NRXN3: variants seen among roughly 807,000 people sequenced by gnomAD.
The protein encoded by NRXN3 is neurexin 3, also known as neurexin III.
A neutral mutation model predicts 137.6 loss-of-function variants in NRXN3; 32 were observed. That is an observed-to-expected ratio of 0.23 (90% confidence interval 0.18 to 0.31). The LOEUF (loss-of-function observed/expected upper bound fraction) is 0.31, where lower values mean the gene tolerates loss of function less well. Ranked by LOEUF, NRXN3 falls within the 10% of genes least tolerant of loss-of-function variation. The probability of loss-of-function intolerance (pLI) is 1.00; values close to 1 mark genes in which losing one functional copy is unlikely to be tolerated. For synonymous variants in NRXN3, 798 were observed against 784.5 expected, an observed-to-expected ratio of 1.02 and a Z score of -0.29; for missense variants, 1,574 against 2,062.5, an observed-to-expected ratio of 0.76 and a Z score of 4.59.
At chr14:79,695,117 T>C (rs1056942597) in intron 18 of NRXN3, among the ~76,000 whole-genome samples, 1 of 151,886 alleles carries the variant, frequency 6.6e-6, no homozygotes, top group African/African-American at 2.4e-5. Context: ...CTTGGGTCAG[T>C]CTTGAACAGG....
At chr14:79,301,260 A>G (rs530236767) in intron 15 of NRXN3, among the ~76,000 whole-genome samples, 41 of 152,186 alleles carry the variant, frequency 2.7e-4, no homozygotes, top group African/African-American at 9.1e-4. Context: ...GCTGTGATTG[A>G]CTGTGGCTGA....
At chr14:79,698,220 T>C (rs2098742262) in intron 19 of NRXN3, among the ~76,000 whole-genome samples, 1 of 152,012 alleles carries the variant, frequency 6.6e-6, no homozygotes, top group South Asian at 2.1e-4. Flanking sequence ...CAGTATGAAA[T>C]ACTCTCTCCT....
intron 1 of NRXN3, among the ~76,000 whole-genome samples, chr14:78,191,602 A>G (rs551588560): frequency 4.7e-4 from 71 of 152,330 alleles, no homozygotes; most frequent in Non-Finnish European, 7.4e-4. Flanking sequence ...CTGTGTGGCC[A>G]GATAGACTGG....
In NRXN3 at chr14:79,679,552, T is replaced by C. The variant is rs541033042; in HGVS notation, c.3617-12621T>C. Among the ~76,000 whole-genome samples the C allele has an allele frequency of 2.6e-5, 4 of 152,294 alleles. No individual in the cohort carries two copies. In the South Asian group the frequency reaches 8.3e-4, roughly 32 times the overall value. Reference sequence around the variant, plus strand: ...CATCTTTTGAGGTGGCCAATAGTTGTCAACTTTTTGAGTATCCTTGAGCAC... The same window carrying C: ...CATCTTTTGAGGTGGCCAATAGTTGCCAACTTTTTGAGTATCCTTGAGCAC... On this transcript the variant is annotated intron_variant, in intron 17 of 20. Transcript: ENST00000335750.
At chr14:78,635,746 A>C (rs1191214069) in intron 4 of NRXN3, among the ~76,000 whole-genome samples, 1 of 152,118 alleles carries the variant, frequency 6.6e-6, no homozygotes, top group Non-Finnish European at 1.5e-5. Flanking sequence ...AGGATATGTA[A>C]GTTTGTGAGT....
At chr14:78,404,464 A>G (rs998158762) in intron 4 of NRXN3, among the ~76,000 whole-genome samples, 5 of 152,064 alleles carry the variant, frequency 3.3e-5, no homozygotes, top group African/African-American at 9.7e-5. Context: ...CAGCCTCCCA[A>G]TTTCTGGAGG....
chr14:79,207,786 G>A (rs2067009179), intron 15 of NRXN3, among the ~76,000 whole-genome samples: 3 of 152,224 alleles, frequency 2.0e-5, no homozygotes, highest in Admixed American at 2.0e-4. Flanking sequence ...TTGATACAGA[G>A]GATCCCTATG....
Position 78,660,820 on chromosome 14 carries a change from T to A in NRXN3, c.1221+9494T>A, listed in dbSNP as rs377371458. Among the ~76,000 whole-genome samples, 16 of 152,296 alleles carry A rather than the reference T, an allele frequency of 1.1e-4. No homozygotes were observed. The East Asian group carries it at 2.5e-3, about 24-fold the overall frequency. On this transcript the variant is annotated intron_variant, in intron 6 of 20. Transcript: ENST00000335750. The stretch of plus-strand genomic sequence containing the variant: ...ATCATTTGCAGCAGGAAGCCCTAGG[T>A]GATGTAGCAGAATTCCTCATGTTCC...
chr14:79,803,370 A>T (rs1279532114), intron 19 of NRXN3, among the ~76,000 whole-genome samples: 1 of 152,132 alleles, frequency 6.6e-6, no homozygotes, highest in South Asian at 2.1e-4. Flanking sequence ...TTTCCTCGAA[A>T]TTCTGGAGGC....
chr14:78,414,263 T>C (rs910634986), intron 4 of NRXN3, among the ~76,000 whole-genome samples: 1 of 151,160 alleles, frequency 6.6e-6, no homozygotes, highest in African/African-American at 2.4e-5. Context: ...GTGTGTAAGG[T>C]GTAAGTGTAG....
chr14:79,244,059 C>T (rs2074777151), intron 15 of NRXN3, among the ~76,000 whole-genome samples: 1 of 152,082 alleles, frequency 6.6e-6, no homozygotes, highest in African/African-American at 2.4e-5. Context: ...TATCCTGGCT[C>T]TATCGTTTGA....
At chr14:78,902,743 C>A (rs2099200985) in intron 10 of NRXN3, among the ~76,000 whole-genome samples, 4 of 151,868 alleles carry the variant, frequency 2.6e-5, no homozygotes, top group African/African-American at 9.7e-5. Context: ...CCAGAGCCAA[C>A]CCTACAGCTG....
intron 15 of NRXN3, among the ~76,000 whole-genome samples, chr14:79,409,327 GTA>G (rs536290139): frequency 6.0e-5 from 9 of 150,886 alleles, no homozygotes; most frequent in Admixed American, 2.0e-4. Context: ...GTGTATATGT[GTA>G]TATATATATG....
At position 79,787,594 on chromosome 14, in the gene NRXN3, T is replaced by C. The variant is rs2099133079; in HGVS notation, c.4015-17518T>C. 2.6e-5 allele frequency among the ~76,000 whole-genome samples: 4 copies of C among 152,174 alleles called. No individual in the cohort carries two copies. The South Asian group carries it at 8.3e-4, about 32-fold the overall frequency. ...CTCTGATAACCACCACTCTACTCTC[T>C]ATTTCTGTGAGTTTGACTTTTTAGA... On this transcript the variant is annotated intron_variant, in intron 19 of 20. Transcript: ENST00000335750.
At chr14:78,575,871 A>T (rs1338973708) in intron 4 of NRXN3, among the ~76,000 whole-genome samples, 1 of 152,174 alleles carries the variant, frequency 6.6e-6, no homozygotes, top group Non-Finnish European at 1.5e-5. Flanking sequence ...AGAGGCCTCA[A>T]ATTCTCCTAC....
At chr14:79,719,533 CCCCATATG>C (rs2098836818) in intron 19 of NRXN3, among the ~76,000 whole-genome samples, 1 of 151,924 alleles carries the variant, frequency 6.6e-6, no homozygotes, top group Non-Finnish European at 1.5e-5. Flanking sequence ...TCTTTCACTT[CCCCATATG>C]CTCAAATATC....
intron 1 of NRXN3, among the ~76,000 whole-genome samples, chr14:78,182,263 G>C (rs1416196845): frequency 1.3e-5 from 2 of 151,996 alleles, no homozygotes; most frequent in Admixed American, 1.3e-4. Flanking sequence ...TTACGGAAGA[G>C]GGAACTGATA....
intron 15 of NRXN3, among the ~76,000 whole-genome samples, chr14:79,352,757 A>G (rs1195172339): frequency 6.6e-6 from 1 of 152,116 alleles, no homozygotes; most frequent in East Asian, 1.9e-4. Context: ...TGTAAAAACA[A>G]TCCTTTGAAG....
At chr14:78,399,042 C>G (rs923023717) in intron 4 of NRXN3, among the ~76,000 whole-genome samples, 2 of 152,156 alleles carry the variant, frequency 1.3e-5, no homozygotes, top group African/African-American at 4.8e-5. Flanking sequence ...TTTTTGTCTT[C>G]CTGGTTCTTT....
Sources: allele counts gnomAD v4.1 joint callset (sites outside exome capture counted in the v4.1 genomes callset), GRCh38; gene constraint gnomAD v4.1.1; transcripts MANE v1.5; gene names NCBI Gene and HGNC (gene_info 2026-07-23, HGNC 2026-07-21).